The following DTNA variants were observed in gnomAD, a reference collection of about 807,000 sequenced individuals.
DTNA encodes the protein dystrobrevin alpha, also known as dystrophin-related protein 3.
A neutral mutation model predicts 100.7 loss-of-function variants in DTNA; 43 were observed. The observed-to-expected ratio is 0.43, with a 90% confidence interval of 0.33 to 0.55. The LOEUF is 0.55. Among genes scored for constraint, DTNA ranks in the 20% least tolerant of loss-of-function variants. The pLI is 0.04. For synonymous variants in DTNA, 349 were observed against 347.9 expected (o/e 1.00, Z -0.04); for missense variants, 798 against 953.9 (o/e 0.84, Z 2.15).
chr18:34,766,175 G>C (rs965308854), intron 3 of DTNA, 134 bp downstream of exon 3: 6 of 1,042,970 alleles, frequency 5.8e-6, no homozygotes, highest in Non-Finnish European at 8.6e-6. Flanking sequence ...CAATAAAAGG[G>C]GTATTATGAG....
At chr18:34,682,965 G>T (rs1346640218) in intron 1 of DTNA, among the ~76,000 whole-genome samples, 1 of 152,020 alleles carries the variant, frequency 6.6e-6, no homozygotes, top group Non-Finnish European at 1.5e-5. Context: ...TTAATGGGAA[G>T]ATTTTTAAAT....
intron 1 of DTNA, among the ~76,000 whole-genome samples, chr18:34,643,453 G>A (rs1454265358): frequency 5.3e-5 from 8 of 152,210 alleles, no homozygotes; most frequent in Non-Finnish European, 7.3e-5. Flanking sequence ...AACACAATAT[G>A]ACAAAAGAAT....
chr18:34,768,935 T>A (rs1033902255), intron 3 of DTNA, among the ~76,000 whole-genome samples: 1 of 152,196 alleles, frequency 6.6e-6, no homozygotes, highest in African/African-American at 2.4e-5. Context: ...AGGGAGTCAG[T>A]GCCCTGAGTT....
rs542279061 is a variant in DTNA at position 34,827,531 on chromosome 18, G to A, written c.1002-62G>A. The stretch of plus-strand genomic sequence containing the variant: ...TCCCGTTTCCTGGAGGGATGAGGGA[G>A]AGTTTTAAATTTGTGACTTTTATTT... On this transcript the variant is annotated intron_variant, in intron 9 of 22. Coordinates refer to ENST00000444659, the MANE Select transcript of DTNA (RefSeq NM_001386795.1). 7.0e-4 allele frequency: 1,052 copies of A among 1,497,290 alleles called. 2 individuals carry two copies. Among genetic ancestry groups the A allele is most frequent in the Non-Finnish European group, 7.8e-4 (840 of 1,073,804 alleles). 92.8% of individuals were successfully genotyped at this position (1,497,290 alleles called of 1,614,324 possible). A position where few individuals can be genotyped will look rare whatever the true frequency, so the allele number is the denominator to read the frequency against.
chr18:34,855,566 G>A (rs1319711035), intron 15 of DTNA, among the ~76,000 whole-genome samples: 6 of 152,164 alleles, frequency 3.9e-5, no homozygotes, highest in Admixed American at 1.3e-4. Flanking sequence ...GATTTTACTA[G>A]CAATCCTCTT....
intron 1 of DTNA, among the ~76,000 whole-genome samples, chr18:34,683,294 T>C (rs537552599): frequency 2.6e-5 from 4 of 152,316 alleles, no homozygotes; most frequent in East Asian, 3.9e-4. Context: ...TCTGTCTTTC[T>C]TGATAACTAA....
intron 1 of DTNA, among the ~76,000 whole-genome samples, chr18:34,621,384 T>C (rs2056474727): frequency 6.6e-6 from 1 of 152,078 alleles, no homozygotes; most frequent in Non-Finnish European, 1.5e-5. Flanking sequence ...CCACGTTCAC[T>C]GTAGCATTCA....
At chr18:34,800,402 C>T (rs941224717) in intron 4 of DTNA, among the ~76,000 whole-genome samples, 1 of 152,172 alleles carries the variant, frequency 6.6e-6, no homozygotes, top group Non-Finnish European at 1.5e-5. Flanking sequence ...TGTATATCCC[C>T]AACCTCTAGG....
intron 15 of DTNA, among the ~76,000 whole-genome samples, chr18:34,857,721 A>G (rs2096570212): frequency 6.6e-6 from 1 of 152,150 alleles, no homozygotes; most frequent in Non-Finnish European, 1.5e-5. Flanking sequence ...AGAAAAAAAA[A>G]AGAGAAAGAA....
chr18:34,506,439 T>C (rs945959615), intron 1 of DTNA, among the ~76,000 whole-genome samples: 4 of 152,156 alleles, frequency 2.6e-5, no homozygotes. Flanking sequence ...ATGGGAGAAG[T>C]TGGGGTGTCT....
chr18:34,886,095 T>C lies in DTNA; in HGVS notation c.*31+1319T>C, dbSNP rs552769766. Among the ~76,000 whole-genome samples the C allele has an allele frequency of 2.5e-3, 378 of 152,344 alleles. 1 individual carries two copies. The highest frequency in any genetic ancestry group is 8.7e-3 in the African/African-American group (361 of 41,580). ...CATAAGTCTGTACTGCAGTGGACAG[T>C]AAATGCTATCAATGTTGGTTGCTAT... On this transcript the variant is annotated intron_variant, in intron 22 of 22. Transcript: ENST00000444659.
At chr18:34,665,387 T>C (rs981541221) in intron 1 of DTNA, among the ~76,000 whole-genome samples, 1 of 152,124 alleles carries the variant, frequency 6.6e-6, no homozygotes, top group African/African-American at 2.4e-5. Context: ...AGATTTATGA[T>C]TGGGGTTTAA....
chr18:34,775,491 TAAAA>T (rs2094000596), intron 3 of DTNA, among the ~76,000 whole-genome samples: 1 of 151,542 alleles, frequency 6.6e-6, no homozygotes. Context: ...CAAAAAAAAA[TAAAA>T]ATAAATAAAT....
At chr18:34,608,636 T>G (rs2053602814) in intron 1 of DTNA, among the ~76,000 whole-genome samples, 1 of 152,116 alleles carries the variant, frequency 6.6e-6, no homozygotes, top group Non-Finnish European at 1.5e-5. Flanking sequence ...AGATTCAGAA[T>G]TCTTTCTTTT....
intron 17 of DTNA, chr18:34,868,807 C>T (rs1263525035): frequency 3.1e-6 from 3 of 974,364 alleles, no homozygotes; most frequent in South Asian, 4.8e-5. Context: ...TTTTACAAAA[C>T]TTGAATTGAA....
chr18:34,556,705 C>G (rs1217346831), intron 1 of DTNA, among the ~76,000 whole-genome samples: 4 of 149,774 alleles, frequency 2.7e-5, no homozygotes, highest in African/African-American at 7.4e-5. Flanking sequence ...GGCCCCCACT[C>G]TCTTCTGGCT....
intron 5 of DTNA, among the ~76,000 whole-genome samples, chr18:34,806,736 A>G (rs2095370269): frequency 6.6e-6 from 1 of 152,182 alleles, no homozygotes; most frequent in Non-Finnish European, 1.5e-5. Flanking sequence ...GGGAACTCCA[A>G]AGGTTTCAAA....
At chr18:34,516,533 G>A (rs115690554) in intron 1 of DTNA, among the ~76,000 whole-genome samples, 3,518 of 152,056 alleles carry the variant, frequency 0.023, 126 homozygotes, top group African/African-American at 0.072. Context: ...CAGGAGACCC[G>A]GGCTTATTTC....
At chr18:34,819,875 C>A (rs1424742521) in intron 8 of DTNA, among the ~76,000 whole-genome samples, 1 of 151,862 alleles carries the variant, frequency 6.6e-6, no homozygotes, top group Non-Finnish European at 1.5e-5. Context: ...CAATTATGGA[C>A]TCTAGGTATA....
Sources: gnomAD v4.1 joint callset for allele counts (sites outside exome capture counted in the v4.1 genomes callset) on GRCh38, gnomAD v4.1.1 for gene constraint, MANE v1.5 for transcripts, NCBI Gene and HGNC (gene_info 2026-07-23, HGNC 2026-07-21) for gene names.